The following KXD1 variants were observed in gnomAD, a reference collection of about 807,000 sequenced individuals.
The protein encoded by KXD1 is KxDL motif containing 1, also known as kxDL motif-containing protein 1.
Under a neutral mutation model 12.1 loss-of-function variants are expected in KXD1, and 5 were observed. That is an observed-to-expected ratio of 0.41 (90% CI 0.22 to 0.87). KXD1 has a LOEUF of 0.87. Among genes scored for constraint, KXD1 ranks in the 40% least tolerant of loss-of-function variants. The pLI, the probability that KXD1 is intolerant of heterozygous loss-of-function variation, is 0.31. For missense variants in KXD1, 193 were observed against 244.9 expected (o/e 0.79, Z 1.41); for synonymous variants, 98 against 100.5 (o/e 0.98, Z 0.15).
chr19:18,558,368 G>A (rs1225316653), intron 1 of KXD1: 2 of 152,158 alleles, frequency 1.3e-5, no homozygotes, highest in South Asian at 2.1e-4. Context: ...TTTCGGCAAC[G>A]GAGCCCGCCC....
At chr19:18,563,362 T>G (rs888081396) in intron 2 of KXD1, among the ~76,000 whole-genome samples, 5 of 116,762 alleles carry the variant, frequency 4.3e-5, no homozygotes, top group African/African-American at 6.8e-5. Flanking sequence ...TTTTTTTTTT[T>G]GGGAGACAGA....
In KXD1 at chr19:18,568,801, T is replaced by C. The variant is rs1402294447; in HGVS notation, c.*170T>C. The C allele has an allele frequency of 3.3e-6, 2 of 599,412 alleles. No individual in the cohort carries two copies. Among genetic ancestry groups the C allele is most frequent in the East Asian group, 2.8e-5 (1 of 35,974 alleles). The allele number at this position is 599,412 out of a possible 1,614,324, so 37.1% of individuals were successfully genotyped here. ...GAGGGGTGTGGAATTCCTGGGGGGG[T>C]CTTTAATTCTGGCTCCTTCCTTCCT... On this transcript the variant is annotated 3_prime_UTR_variant, in exon 5 of 5. Transcript: ENST00000222307.
At chr19:18,563,978 C>G (rs1312498236) in intron 2 of KXD1, among the ~76,000 whole-genome samples, 2 of 151,832 alleles carry the variant, frequency 1.3e-5, no homozygotes, top group Non-Finnish European at 2.9e-5. Context: ...TGTCCGCCTC[C>G]CGGGTTCAAA....
chr19:18,568,882 G>T lies in KXD1; in HGVS notation c.*251G>T. The T allele has an allele frequency of 1.9e-6, 1 of 522,370 alleles. No individual in the cohort carries two copies. Among genetic ancestry groups the T allele is most frequent in the Non-Finnish European group, 3.4e-6 (1 of 291,866 alleles). The allele number at this position is 522,370 out of a possible 1,614,324, so 32.4% of individuals were successfully genotyped here. A position where few individuals can be genotyped will look rare whatever the true frequency, so the allele number is the denominator to read the frequency against. The stretch of plus-strand genomic sequence containing the variant: ...GCCATGCCAGGGCACGCCCATTCCA[G>T]CTGGAGTCGTGGGGCTGGGCACAGG... On this transcript the variant is annotated 3_prime_UTR_variant, in exon 5 of 5. Coordinates refer to ENST00000222307, the MANE Select transcript of KXD1 (RefSeq NM_024069.4).
intron 1 of KXD1, chr19:18,560,066 A>G (rs1376345171): frequency 7.4e-6 from 1 of 134,878 alleles, no homozygotes; most frequent in African/African-American, 2.8e-5. Flanking sequence ...GTGTAGTGGC[A>G]TGATCTCGGC....
chr19:18,567,030 G>T (rs572832207), intron 3 of KXD1, 102 bp from the exon 4 acceptor site: 5 of 1,015,132 alleles, frequency 4.9e-6, no homozygotes, highest in Admixed American at 2.0e-5. Context: ...TCTCACTCCC[G>T]TCTCCCCTTG....
At chr19:18,566,422 C>G (rs1397774960) in intron 3 of KXD1, among the ~76,000 whole-genome samples, 1 of 148,322 alleles carries the variant, frequency 6.7e-6, no homozygotes, top group Non-Finnish European at 1.5e-5. Flanking sequence ...CGCCACTGCA[C>G]TCAAGCCTGG....
rs1267579818 is a variant in KXD1 at position 18,562,080 on chromosome 19, G to A, written c.24G>A (p.Ser8=). ...AGATGGACCTCCCGGACTCGGCCTC[G>A]AGGGTCTTCTGCGGCCGCATCCTGA... MDLPDSA[S]RVFCGRILSM... is the part of the protein sequence containing the mutation. Residue 8 remains serine, a synonymous_variant, in exon 2 of 5, where the codon TCG becomes TCA. Coordinates refer to ENST00000222307, the MANE Select transcript of KXD1 (RefSeq NM_024069.4). The A allele has an allele frequency of 1.2e-6, 2 of 1,613,192 alleles. No homozygotes were observed. The highest frequency in any genetic ancestry group is 1.7e-6 in the Non-Finnish European group (2 of 1,179,624).
At chr19:18,561,939 T>G (rs1466719152) in intron 1 of KXD1, 97 bp from the exon 2 acceptor site, 3 of 668,510 alleles carry the variant, frequency 4.5e-6, no homozygotes, top group South Asian at 2.1e-5. Context: ...ACCACCACGG[T>G]TGGGTTAGGT....
chr19:18,565,005 A>G lies in KXD1; in HGVS notation c.238A>G (p.Ile80Val), dbSNP rs780087317. 6 of 1,604,178 alleles carry G rather than the reference A, an allele frequency of 3.7e-6. No individual in the cohort carries two copies. In the Admixed American group the frequency reaches 8.4e-5, roughly 22 times the overall value. ...LVEMKRDLDSIFRRIRTLKGK... is the reference protein window; with the variant it reads ...LVEMKRDLDSVFRRIRTLKGK... ...AGAGATGAAACGGGACCTGGACAGC[A>G]TCTTCCGCCGTATCAGGTGGGTGCT... The change falls in exon 3 of 5, where the codon ATC becomes GTC. Residue 80 changes from isoleucine to valine, a missense_variant. Physicochemically the swap from Ile to Val is conservative, Grantham distance 29 (BLOSUM62 3). Coordinates refer to ENST00000222307, the MANE Select transcript of KXD1 (RefSeq NM_024069.4).
chr19:18,563,558 C>T (rs1035019030), intron 2 of KXD1, among the ~76,000 whole-genome samples: 1 of 152,066 alleles, frequency 6.6e-6, no homozygotes, highest in African/African-American at 2.4e-5. Flanking sequence ...GGCTGGAGCA[C>T]AGTGGCGCAA....
In KXD1 at chr19:18,568,542, G is replaced by A. The variant is rs377523014; in HGVS notation, c.442G>A (p.Gly148Ser). 4.4e-5 allele frequency: 71 copies of A among 1,613,900 alleles called. No homozygotes were observed. The highest frequency in any genetic ancestry group is 3.0e-4 in the Admixed American group (18 of 59,996). ...PDTVSPSLSP[G>S]FEDLSHVQPG... Reference sequence around the variant, plus strand: ...CACCGTCTCGCCCTCCCTGAGCCCCGGCTTCGAGGACCTGTCCCATGTCCA... The same window carrying A: ...CACCGTCTCGCCCTCCCTGAGCCCCAGCTTCGAGGACCTGTCCCATGTCCA... The change falls in exon 5 of 5, where the codon GGC (glycine) becomes AGC (serine). Residue 148 changes from glycine (G) to serine (S), a missense_variant. By Grantham distance (56) the Gly-to-Ser change is moderately conservative (BLOSUM62 0). Transcript: ENST00000222307.
intron 2 of KXD1, 110 bp downstream of exon 2, chr19:18,562,267 A>C: frequency 1.0e-5 from 8 of 771,100 alleles, no homozygotes; most frequent in East Asian, 3.1e-5. Context: ...AATGAAGGAA[A>C]TGAGCAAATC....
At position 18,569,205 on chromosome 19, in the gene KXD1, G is replaced by A. The variant is rs1975401511; in HGVS notation, c.*574G>A. 6.4e-6 allele frequency: 1 copy of A among 155,120 alleles called. No homozygotes were observed. The highest frequency in any genetic ancestry group is 1.4e-5 in the Non-Finnish European group (1 of 69,596). The allele number at this position is 155,120 out of a possible 1,614,324, so 9.6% of individuals were successfully genotyped here. A position where few individuals can be genotyped will look rare whatever the true frequency, so the allele number is the denominator to read the frequency against. ...CAGCCCTGAGCGTGCTGAGTTCTGT[G>A]TTTCTCTGAATAGAGGTGTGGAACC... On this transcript the variant is annotated 3_prime_UTR_variant, in exon 5 of 5. Coordinates refer to ENST00000222307, the MANE Select transcript of KXD1 (RefSeq NM_024069.4).
chr19:18,559,986 T>TC (rs1974863578), intron 1 of KXD1: 1 of 111,270 alleles, frequency 9.0e-6, no homozygotes, highest in Non-Finnish European at 1.7e-5. Flanking sequence ...TCTCCCTTCC[T>TC]TCCTTCCCTC....
At chr19:18,565,118 C>G in intron 3 of KXD1, 97 bp downstream of exon 3, 1 of 1,538,926 alleles carries the variant, frequency 6.5e-7, no homozygotes, top group Non-Finnish European at 8.7e-7. Flanking sequence ...AGGGAGATTT[C>G]TGTTTGTTTT....
chr19:18,567,648 T>C (rs1975318037), intron 4 of KXD1, among the ~76,000 whole-genome samples: 1 of 152,190 alleles, frequency 6.6e-6, no homozygotes, highest in Non-Finnish European at 1.5e-5. Flanking sequence ...TGAGTTCGCA[T>C]CTGTCTGGCT....
intron 2 of KXD1, 130 bp from the exon 3 acceptor site, chr19:18,564,739 G>T: frequency 2.0e-6 from 2 of 1,023,718 alleles, no homozygotes; most frequent in African/African-American, 1.6e-5. Flanking sequence ...GTAGAACTCT[G>T]CAGGACAAGG....
In KXD1 at chr19:18,564,936, C is replaced by G. The variant is rs1489919198; in HGVS notation, c.169C>G (p.Gln57Glu). The G allele has an allele frequency of 1.9e-6, 3 of 1,613,426 alleles. No homozygotes were observed. Among genetic ancestry groups the G allele is most frequent in the Non-Finnish European group, 2.5e-6 (3 of 1,180,026 alleles). The change falls in exon 3 of 5, where the codon CAG (glutamine) becomes GAG (glutamate). Residue 57 changes from glutamine (Q) to glutamate (E), a missense_variant. By Grantham distance (29) the Gln-to-Glu change is conservative. Transcript: ENST00000222307. Reference protein sequence around the residue: ...NFNNLSSARLQQMSERFLHHT... With the variant: ...NFNNLSSARLEQMSERFLHHT... ...CAACAACCTGTCCAGTGCCCGCCTG[C>G]AGCAGATGAGCGAACGCTTCCTGCA...
Sources: allele counts gnomAD v4.1 joint callset (sites outside exome capture counted in the v4.1 genomes callset), GRCh38; gene constraint gnomAD v4.1.1; transcripts MANE v1.5; gene names NCBI Gene and HGNC (gene_info 2026-07-23, HGNC 2026-07-21).